Variants in CEP83 observed in about 807,000 individuals in gnomAD.
CEP83 encodes centrosomal protein 83.
CEP83 carries 70 observed loss-of-function variants against 101.9 expected under a neutral mutation model. The ratio of observed to expected loss-of-function variants is 0.69; its 90% CI spans 0.57 to 0.84. The LOEUF (loss-of-function observed/expected upper bound fraction) is 0.84, where lower values mean the gene tolerates loss of function less well. CEP83 is among the 40% of genes least tolerant of loss of function. The pLI is 0.00. For missense variants in CEP83, 715 were observed against 787.2 expected, an observed-to-expected ratio of 0.91 and a Z score of 1.10; for synonymous variants, 264 against 267.9, an observed-to-expected ratio of 0.99 and a Z score of 0.14.
intron 6 of CEP83, among the ~76,000 whole-genome samples, chr12:94,397,060 C>G (rs535668292): frequency 4.8e-4 from 73 of 152,280 alleles, no homozygotes; most frequent in African/African-American, 1.6e-3. Flanking sequence ...CAATTATACA[C>G]TCAGTAATAC....
chr12:94,337,736 A>G (rs2059510857), intron 11 of CEP83, among the ~76,000 whole-genome samples: 1 of 152,190 alleles, frequency 6.6e-6, no homozygotes, highest in Admixed American at 6.6e-5. Context: ...TGAAGGAAAA[A>G]TAAGAGTCCG....
chr12:94,440,626 AC>A (rs1433867684), intron 1 of CEP83, among the ~76,000 whole-genome samples: 1 of 152,158 alleles, frequency 6.6e-6, no homozygotes, highest in African/African-American at 2.4e-5. Context: ...AGAGCAATCT[AC>A]AAATTCAATG....
At chr12:94,297,162 T>C in the CEP83 span, 10 of 1,612,742 alleles carry the variant, frequency 6.2e-6, no homozygotes, top group Non-Finnish European at 8.5e-6. Flanking sequence ...ATGGACTGCT[T>C]TCTCTCCCTC....
At position 94,378,830 on chromosome 12, in the gene CEP83, C is replaced by T. The variant is rs756050365; in HGVS notation, c.762G>A (p.Arg254=). 5.0e-6 allele frequency: 8 copies of T among 1,613,962 alleles called. No homozygotes were observed. The highest frequency in any genetic ancestry group is 1.6e-4 in the Middle Eastern group (1 of 6,082). Residue 254 remains arginine (R), a synonymous_variant, in exon 7 of 17, where the codon CGG becomes CGA. Coordinates refer to ENST00000397809, the MANE Select transcript of CEP83 (RefSeq NM_016122.3). ...QVENAQRIQV[R]QLAEMQATVR... ...CTGTAGCCTGCATCTCAGCCAACTG[C>T]CGCACCTGTATTCTTTGGGCATTTT...
At chr12:94,375,229 G>A (rs922409147) in intron 8 of CEP83, among the ~76,000 whole-genome samples, 1 of 152,162 alleles carries the variant, frequency 6.6e-6, no homozygotes, top group Non-Finnish European at 1.5e-5. Flanking sequence ...GGAAGACAGA[G>A]AGAAAGACAG....
At position 94,420,532 on chromosome 12, in the gene CEP83, AT is replaced by A. The variant is rs201535603; in HGVS notation, c.-101-7942del. 1.1e-3 allele frequency among the ~76,000 whole-genome samples: 169 copies of A among 152,274 alleles called. 4 individuals are homozygous for A. In the East Asian group the frequency reaches 0.027, roughly 25 times the overall value. ...TGGCTTTGAACGCAGCCCAATACAA[AT>A]TCATAAACTTTCTTAAAACCTTATG... On this transcript the variant is annotated intron_variant, in intron 2 of 16. Transcript: ENST00000397809.
chr12:94,399,937 A>T (rs2137558483), intron 6 of CEP83, among the ~76,000 whole-genome samples: 1 of 152,328 alleles, frequency 6.6e-6, no homozygotes, highest in South Asian at 2.1e-4. Context: ...TTACAGATGA[A>T]ACACTCATGG....
chr12:94,431,156 C>T (rs983523140), intron 2 of CEP83, among the ~76,000 whole-genome samples: 4 of 152,140 alleles, frequency 2.6e-5, no homozygotes, highest in Non-Finnish European at 5.9e-5. Flanking sequence ...AAATAGCCAT[C>T]TAATTTTGAC....
intron 11 of CEP83, among the ~76,000 whole-genome samples, chr12:94,353,242 C>G (rs1358250790): frequency 6.6e-6 from 1 of 152,112 alleles, no homozygotes; most frequent in Non-Finnish European, 1.5e-5. Context: ...ATACTATACC[C>G]AGCAAAACTA....
chr12:94,423,978 G>C (rs536417526), intron 2 of CEP83: 6 of 1,613,204 alleles, frequency 3.7e-6, no homozygotes, highest in Non-Finnish European at 5.1e-6. Context: ...GCAGGCTGGA[G>C]AGAAATGGGA....
rs1380767584 is a variant in CEP83 at position 94,331,282 on chromosome 12, ACT to A, written c.1707+416_1707+417del. On this transcript the variant is annotated intron_variant, in intron 14 of 16. Coordinates refer to ENST00000397809, the MANE Select transcript of CEP83 (RefSeq NM_016122.3). ...ATCCAACCTGGGTGATGGGAGTCAGACTCTCAGAAAAAAAAAAAAAAAAAAAA... is the reference window on the plus strand; with the variant it reads ...ATCCAACCTGGGTGATGGGAGTCAGACTCAGAAAAAAAAAAAAAAAAAAAA... Among the ~76,000 whole-genome samples the A allele has an allele frequency of 6.2e-4, 70 of 113,628 alleles. 1 individual carries two copies. The highest frequency in any genetic ancestry group is 3.2e-5 in the African/African-American group (1 of 31,086). The allele number at this position is 113,628 out of a possible 152,430, so 74.5% of individuals were successfully genotyped here. A position where few individuals can be genotyped will look rare whatever the true frequency, so the allele number is the denominator to read the frequency against.
chr12:94,271,260 T>C, the CEP83 span, among the ~76,000 whole-genome samples: 1 of 152,252 alleles, frequency 6.6e-6, no homozygotes, highest in Non-Finnish European at 1.5e-5. Flanking sequence ...AGTTACTTTC[T>C]AGGCATTATA....
At chr12:94,417,267 G>A (rs1002597494) in intron 2 of CEP83, among the ~76,000 whole-genome samples, 1 of 152,050 alleles carries the variant, frequency 6.6e-6, no homozygotes, top group African/African-American at 2.4e-5. Context: ...AGTGAGCTAT[G>A]ATTATGCCAC....
the CEP83 span, among the ~76,000 whole-genome samples, chr12:94,272,888 C>T: frequency 4.1e-3 from 629 of 152,318 alleles, 1 homozygote; most frequent in African/African-American, 0.014. Flanking sequence ...TCTACCAGAT[C>T]GCCTATGTCC....
chr12:94,300,916 T>C, the CEP83 span: 2,053 of 1,612,242 alleles, frequency 1.3e-3, 25 homozygotes, highest in African/African-American at 0.023. Flanking sequence ...ACAGCCTTCC[T>C]CTTCGCTTCT....
chr12:94,392,962 T>G (rs1196205627), intron 6 of CEP83, among the ~76,000 whole-genome samples: 3 of 152,120 alleles, frequency 2.0e-5, no homozygotes, highest in Admixed American at 6.6e-5. Context: ...AATAACAGGT[T>G]CTGAAATTGA....
intron 1 of CEP83, among the ~76,000 whole-genome samples, chr12:94,458,034 T>C (rs559317630): frequency 6.6e-6 from 1 of 151,592 alleles, no homozygotes; most frequent in African/African-American, 2.4e-5. Flanking sequence ...CCATCTCTAC[T>C]AAAAATACAA....
At chr12:94,374,409 T>C (rs1411359206) in intron 8 of CEP83, among the ~76,000 whole-genome samples, 2 of 152,192 alleles carry the variant, frequency 1.3e-5, no homozygotes, top group Admixed American at 6.5e-5. Context: ...ACGTACTCAA[T>C]ATTATTTCAC....
At chr12:94,450,848 A>G (rs796780085) in intron 1 of CEP83, among the ~76,000 whole-genome samples, 8 of 152,340 alleles carry the variant, frequency 5.3e-5, no homozygotes, top group African/African-American at 1.7e-4. Flanking sequence ...GTAGAAATTA[A>G]CAAGCTGATC....
Sources: gnomAD v4.1 joint callset for allele counts (sites outside exome capture counted in the v4.1 genomes callset) on GRCh38, gnomAD v4.1.1 for gene constraint, MANE v1.5 for transcripts, NCBI Gene and HGNC (gene_info 2026-07-23, HGNC 2026-07-21) for gene names.